NTAQ1: variants seen among roughly 807,000 people sequenced by gnomAD.
The protein encoded by NTAQ1 is protein N-terminal glutamine amidohydrolase.
NTAQ1 carries 21 observed loss-of-function variants against 28.2 expected under a neutral mutation model. The ratio of observed to expected loss-of-function variants is 0.74; its 90% CI spans 0.53 to 1.07. NTAQ1 has a LOEUF of 1.07. Among genes scored for constraint, NTAQ1 ranks in the 50% least tolerant of loss-of-function variants. The pLI is 0.00. For missense variants in NTAQ1, 264 were observed against 256.6 expected, an observed-to-expected ratio of 1.03 and a Z score of -0.20; for synonymous variants, 105 against 90.0, an observed-to-expected ratio of 1.17 and a Z score of -0.94.
chr8:123,444,543 A>G (rs112854406), downstream of NTAQ1, among the ~76,000 whole-genome samples: 7,556 of 150,966 alleles, frequency 0.05, 606 homozygotes, highest in African/African-American at 0.17. Context: ...GTCTCGCTCT[A>G]TCGCCCAGGC....
downstream of NTAQ1, among the ~76,000 whole-genome samples, chr8:123,450,099 G>A (rs1484759908): frequency 4.7e-5 from 7 of 150,426 alleles, no homozygotes; most frequent in Non-Finnish European, 1.0e-4. Context: ...GAGAATGTGT[G>A]TGGATAGAGG....
At chr8:123,472,495 C>A (rs1390409445), downstream of NTAQ1, among the ~76,000 whole-genome samples, 2 of 152,162 alleles carry the variant, frequency 1.3e-5, no homozygotes, top group Non-Finnish European at 2.9e-5. Flanking sequence ...AGTGTCCAAT[C>A]CTTCCTTGCC....
At chr8:123,445,353 AT>A (rs1448882147), downstream of NTAQ1, among the ~76,000 whole-genome samples, 1 of 152,048 alleles carries the variant, frequency 6.6e-6, no homozygotes, top group Non-Finnish European at 1.5e-5. Flanking sequence ...AGAAAAATAC[AT>A]TTTACTTTTT....
At chr8:123,463,352 A>G (rs1046451536) in intron 6 of NTAQ1, among the ~76,000 whole-genome samples, 3 of 152,214 alleles carry the variant, frequency 2.0e-5, no homozygotes, top group African/African-American at 7.2e-5. Flanking sequence ...TTTCAATCCA[A>G]AATAAATTTT....
chr8:123,449,957 A>ATG (rs1815436780), downstream of NTAQ1, among the ~76,000 whole-genome samples: 5 of 45,394 alleles, frequency 1.1e-4, no homozygotes, highest in Admixed American at 3.1e-4. Context: ...GTGCATATAT[A>ATG]TATATATATA....
At chr8:123,418,549 C>T (rs971167593) in intron 1 of NTAQ1, among the ~76,000 whole-genome samples, 1 of 151,898 alleles carries the variant, frequency 6.6e-6, no homozygotes, top group East Asian at 1.9e-4. Context: ...GACTTATCTT[C>T]TATTAGGATA....
chr8:123,446,097 G>A (rs1003166889), downstream of NTAQ1, among the ~76,000 whole-genome samples: 7 of 152,036 alleles, frequency 4.6e-5, no homozygotes, highest in South Asian at 4.1e-4. Context: ...AGGTTCAAGC[G>A]ATTCTCGTGC....
chr8:123,419,684 A>G lies in NTAQ1; in HGVS notation c.83+2752A>G, dbSNP rs530160402. 2.5e-3 allele frequency among the ~76,000 whole-genome samples: 380 copies of G among 150,054 alleles called. 4 individuals carry two copies. The highest frequency in any genetic ancestry group is 8.6e-3 in the African/African-American group (350 of 40,750). ...CACTGGGAACCCCTGGAGTGTCCCA[A>G]CCTTTCTGCTGCCAAGATGATCAGC... is the stretch of plus-strand genomic sequence containing the variant. On this transcript the variant is annotated intron_variant, in intron 1 of 5. Coordinates refer to ENST00000287387, the MANE Select transcript of NTAQ1 (RefSeq NM_018024.3).
intron 1 of NTAQ1, among the ~76,000 whole-genome samples, chr8:123,417,803 A>G (rs1586920897): frequency 6.6e-6 from 1 of 152,004 alleles, no homozygotes; most frequent in East Asian, 1.9e-4. Context: ...GATGTCCAGG[A>G]GGTACCTTCT....
chr8:123,469,137 T>A (rs1413949636), exon 7 of NTAQ1, among the ~76,000 whole-genome samples: 1 of 152,226 alleles, frequency 6.6e-6, no homozygotes, highest in Non-Finnish European at 1.5e-5. Flanking sequence ...CTCAGATGTA[T>A]TATATGAGCA....
chr8:123,449,973 A>G (rs7824690), downstream of NTAQ1, among the ~76,000 whole-genome samples: 1,747 of 29,252 alleles, frequency 0.06, 500 homozygotes, highest in African/African-American at 0.17. Context: ...ATATATATAT[A>G]TGCTGGATAA....
At chr8:123,449,143 C>T (rs542855926), downstream of NTAQ1, among the ~76,000 whole-genome samples, 3 of 152,266 alleles carry the variant, frequency 2.0e-5, no homozygotes, top group Non-Finnish European at 2.9e-5. Flanking sequence ...GCTGATTTTC[C>T]GTAGAACAGT....
the NTAQ1 span, among the ~76,000 whole-genome samples, chr8:123,475,334 C>G: frequency 2.0e-5 from 3 of 152,044 alleles, no homozygotes; most frequent in Non-Finnish European, 4.4e-5. Flanking sequence ...GATCTTTTCT[C>G]CAAAGAACTC....
chr8:123,459,725 C>G (rs112415818), intron 6 of NTAQ1, among the ~76,000 whole-genome samples: 1 of 152,028 alleles, frequency 6.6e-6, no homozygotes, highest in East Asian at 1.9e-4. Context: ...CCTAGAACCC[C>G]TATTGCTCAG....
At chr8:123,428,332 G>C (rs1814193673) in intron 2 of NTAQ1, among the ~76,000 whole-genome samples, 1 of 152,090 alleles carries the variant, frequency 6.6e-6, no homozygotes, top group Non-Finnish European at 1.5e-5. Flanking sequence ...AAGTAGCTGA[G>C]ACTACAGGCA....
downstream of NTAQ1, among the ~76,000 whole-genome samples, chr8:123,470,129 A>T (rs188617802): frequency 7.7e-4 from 117 of 152,322 alleles, no homozygotes; most frequent in Middle Eastern, 0.014. Context: ...GAAGGCAGCT[A>T]TCTACAAGCC....
intron 2 of NTAQ1, among the ~76,000 whole-genome samples, chr8:123,428,542 A>G (rs1439995314): frequency 6.6e-6 from 1 of 151,964 alleles, no homozygotes; most frequent in Non-Finnish European, 1.5e-5. Context: ...GTCTACGCAG[A>G]TAAAGTCCCT....
chr8:123,432,895 A>G (rs13273691), intron 3 of NTAQ1, among the ~76,000 whole-genome samples: 55,023 of 151,836 alleles, frequency 0.36, 10,081 homozygotes, highest in East Asian at 0.56. Context: ...GGCCAGGCTG[A>G]TCTCGAACTC....
chr8:123,442,932 T>G (rs1031102471), downstream of NTAQ1, among the ~76,000 whole-genome samples: 2 of 152,054 alleles, frequency 1.3e-5, no homozygotes, highest in Non-Finnish European at 2.9e-5. Context: ...CCTCCCGAAG[T>G]ACTGGGATTA....
Sources: gnomAD v4.1 joint callset for allele counts (sites outside exome capture counted in the v4.1 genomes callset) on GRCh38, gnomAD v4.1.1 for gene constraint, MANE v1.5 for transcripts, NCBI Gene and HGNC (gene_info 2026-07-23, HGNC 2026-07-21) for gene names.